TENM3: variants seen among roughly 807,000 people sequenced by gnomAD.
TENM3 encodes teneurin transmembrane protein 3.
Under a neutral mutation model 255.1 loss-of-function variants are expected in TENM3, and 63 were observed. That is an observed-to-expected ratio of 0.25 (90% CI 0.20 to 0.30). The LOEUF (loss-of-function observed/expected upper bound fraction) is 0.30, where lower values mean the gene tolerates loss of function less well. TENM3 is among the 10% of genes least tolerant of loss of function. TENM3 has a pLI of 1.00. For synonymous variants in TENM3, 1,306 were observed against 1,322.3 expected (o/e 0.99, Z 0.27); for missense variants, 2,929 against 3,461.1 (o/e 0.85, Z 3.86).
At chr4:182,332,593 C>T (rs1351343288) in intron 2 of TENM3, among the ~76,000 whole-genome samples, 1 of 151,704 alleles carries the variant, frequency 6.6e-6, no homozygotes, top group Non-Finnish European at 1.5e-5. Context: ...ACTTGGGAGG[C>T]TGGGGCAGGA....
chr4:182,508,224 T>C (rs1056411014), intron 3 of TENM3, among the ~76,000 whole-genome samples: 5 of 152,230 alleles, frequency 3.3e-5, no homozygotes, highest in Admixed American at 6.5e-5. Flanking sequence ...ATCATTATTG[T>C]TGTTATTGAT....
intron 11 of TENM3, 108 bp from the exon 12 acceptor site, chr4:182,688,056 TTG>T (rs1299831941): frequency 4.1e-5 from 42 of 1,029,500 alleles, no homozygotes; most frequent in African/African-American, 3.3e-4. Flanking sequence ...TTGGATGATT[TTG>T]TGTTTCCCTT....
At chr4:182,544,399 T>TGCAGAACCCGGGA (rs1741215490) in intron 3 of TENM3, among the ~76,000 whole-genome samples, 4 of 147,560 alleles carry the variant, frequency 2.7e-5, no homozygotes, top group African/African-American at 1.0e-4. Flanking sequence ...GGTGTGATCT[T>TGCAGAACCCGGGA]GGCTCACTGC....
At chr4:181,995,245 G>A in the TENM3 span, among the ~76,000 whole-genome samples, 10 of 151,542 alleles carry the variant, frequency 6.6e-5, no homozygotes, top group Non-Finnish European at 1.3e-4. Flanking sequence ...AGCTAAGATC[G>A]CACCACTGCA....
At chr4:181,812,182 C>CAT in the TENM3 span, among the ~76,000 whole-genome samples, 5 of 152,156 alleles carry the variant, frequency 3.3e-5, no homozygotes, top group East Asian at 9.7e-4. Flanking sequence ...TGGTGGCTTT[C>CAT]ATTAAGCTTT....
At chr4:182,547,664 G>C (rs551946441) in intron 3 of TENM3, among the ~76,000 whole-genome samples, 4 of 152,186 alleles carry the variant, frequency 2.6e-5, no homozygotes, top group African/African-American at 9.6e-5. Flanking sequence ...TCACTCACTG[G>C]TGCAGTTTCC....
intron 3 of TENM3, among the ~76,000 whole-genome samples, chr4:182,575,925 T>C (rs927956195): frequency 6.6e-6 from 1 of 152,210 alleles, no homozygotes; most frequent in Non-Finnish European, 1.5e-5. Flanking sequence ...TTCCTCATTT[T>C]TATTCATCCG....
At chr4:182,298,580 G>A (rs891715060) in intron 1 of TENM3, among the ~76,000 whole-genome samples, 3 of 152,162 alleles carry the variant, frequency 2.0e-5, no homozygotes, top group Non-Finnish European at 2.9e-5. Flanking sequence ...TAAATAACAA[G>A]GTAGAAAAGC....
chr4:182,343,954 C>T (rs1337314129), intron 2 of TENM3, among the ~76,000 whole-genome samples: 1 of 152,122 alleles, frequency 6.6e-6, no homozygotes, highest in African/African-American at 2.4e-5. Flanking sequence ...AAGGCAATTA[C>T]TTAAGTAAAA....
At chr4:182,092,675 A>G in the TENM3 span, among the ~76,000 whole-genome samples, 1 of 152,224 alleles carries the variant, frequency 6.6e-6, no homozygotes, top group Admixed American at 6.5e-5. Flanking sequence ...AAATCTATAA[A>G]TAAATAAAAG....
rs34401330 is a variant in TENM3, at chr4:182,564,581, G to GT, written c.512-36329dup. Among the ~76,000 whole-genome samples the GT allele has an allele frequency of 4.6e-3, 628 of 137,374 alleles. 4 individuals are homozygous for GT. The East Asian group carries it at 0.047, about 10-fold the overall frequency. 90.1% of individuals were successfully genotyped at this position (137,374 alleles called of 152,430 possible). A position where few individuals can be genotyped will look rare whatever the true frequency, so the allele number is the denominator to read the frequency against. The stretch of plus-strand genomic sequence containing the variant: ...GTTTTTTTGTTTTTGTTTTTGTTTT[G>GT]TTTTTTTTTTTTTTGGTCCAATATC... On this transcript the variant is annotated intron_variant, in intron 3 of 27. Transcript: ENST00000511685.
intron 22 of TENM3, among the ~76,000 whole-genome samples, chr4:182,764,955 G>A (rs1763557946): frequency 6.6e-6 from 1 of 152,202 alleles, no homozygotes; most frequent in South Asian, 2.1e-4. Context: ...AATGTAACTT[G>A]CTGTCTGAAT....
the TENM3 span, among the ~76,000 whole-genome samples, chr4:182,096,271 C>T: frequency 2.6e-5 from 4 of 152,256 alleles, no homozygotes; most frequent in South Asian, 4.1e-4. Flanking sequence ...GACAAATTAA[C>T]TTCAATACTG....
the TENM3 span, among the ~76,000 whole-genome samples, chr4:181,861,359 G>A: frequency 6.6e-6 from 1 of 152,120 alleles, no homozygotes; most frequent in African/African-American, 2.4e-5. Context: ...TCCGCCTTTC[G>A]ATCTTGAGGC....
chr4:182,278,630 C>T (rs1385016968), intron 1 of TENM3, among the ~76,000 whole-genome samples: 1 of 148,990 alleles, frequency 6.7e-6, no homozygotes, highest in Admixed American at 6.7e-5. Context: ...TGGCTTATCA[C>T]ATGCCCTTTC....
chr4:181,692,225 GC>G, the TENM3 span, among the ~76,000 whole-genome samples: 1 of 152,130 alleles, frequency 6.6e-6, no homozygotes, highest in African/African-American at 2.4e-5. Context: ...GGCAAATTTG[GC>G]TCAAGTAAAG....
the TENM3 span, among the ~76,000 whole-genome samples, chr4:181,485,305 C>G: frequency 1.3e-5 from 2 of 152,008 alleles, no homozygotes; most frequent in African/African-American, 4.8e-5. Context: ...TGTCTGTAAC[C>G]TGTCAGGTCC....
the TENM3 span, among the ~76,000 whole-genome samples, chr4:181,653,190 G>C: frequency 6.6e-6 from 1 of 152,172 alleles, no homozygotes; most frequent in Non-Finnish European, 1.5e-5. Flanking sequence ...CTAGGCCAGG[G>C]ACTCTCAGGC....
At chr4:182,212,786 A>G (rs561051630) in intron 1 of TENM3, among the ~76,000 whole-genome samples, 9 of 152,350 alleles carry the variant, frequency 5.9e-5, no homozygotes, top group African/African-American at 2.2e-4. Flanking sequence ...TGACTTCCCA[A>G]AGATAGAACG....
Sources: gnomAD v4.1 joint callset for allele counts (sites outside exome capture counted in the v4.1 genomes callset) on GRCh38, gnomAD v4.1.1 for gene constraint, MANE v1.5 for transcripts, NCBI Gene and HGNC (gene_info 2026-07-23, HGNC 2026-07-21) for gene names.